Variants in OLFM3 observed in about 807,000 individuals in gnomAD.
OLFM3 encodes noelin-3.
OLFM3 carries 20 observed loss-of-function variants against 48.6 expected under a neutral mutation model. That is an observed-to-expected ratio of 0.41 (90% CI 0.29 to 0.60). The LOEUF is 0.60. OLFM3 is among the 20% of genes least tolerant of loss of function. The pLI is 0.28. For missense variants in OLFM3, 437 were observed against 544.3 expected (o/e 0.80, Z 1.96); for synonymous variants, 222 against 198.1 (o/e 1.12, Z -1.01).
chr1:101,883,936 C>T lies in OLFM3; in HGVS notation c.70-46911G>A, dbSNP rs544854113. On this transcript the variant is annotated intron_variant, in intron 1 of 5. Coordinates refer to ENST00000370103, the MANE Select transcript of OLFM3 (RefSeq NM_058170.4). ...CAAATGGAAATAAAAAACTTACTAT[C>T]TTTTTTTTTTAATCCTGGTCTGTAT... is the stretch of plus-strand genomic sequence containing the variant. 2.0e-5 allele frequency among the ~76,000 whole-genome samples: 3 copies of T among 148,902 alleles called. No homozygotes were observed. In the East Asian group the frequency reaches 5.9e-4, roughly 29 times the overall value.
chr1:101,863,863 A>G (rs1235602770), intron 1 of OLFM3, among the ~76,000 whole-genome samples: 3 of 152,150 alleles, frequency 2.0e-5, no homozygotes, highest in African/African-American at 4.8e-5. Context: ...TTTCCTCATC[A>G]CTGCACATAA....
At chr1:101,855,730 T>C (rs1057257352) in intron 1 of OLFM3, among the ~76,000 whole-genome samples, 1 of 152,096 alleles carries the variant, frequency 6.6e-6, no homozygotes, top group African/African-American at 2.4e-5. Context: ...TTTTCAGACT[T>C]TTCTAATTCA....
At chr1:101,865,692 C>T (rs910109032) in intron 1 of OLFM3, among the ~76,000 whole-genome samples, 1 of 152,200 alleles carries the variant, frequency 6.6e-6, no homozygotes, top group African/African-American at 2.4e-5. Context: ...CAGAAAGTCA[C>T]AGCCTGGACA....
At chr1:101,944,129 C>T (rs372304505) in intron 1 of OLFM3, among the ~76,000 whole-genome samples, 5 of 151,104 alleles carry the variant, frequency 3.3e-5, no homozygotes, top group Non-Finnish European at 2.9e-5. Flanking sequence ...TACTGATGGA[C>T]CAATGATGTT....
chr1:101,933,085 C>T (rs1240631444), intron 1 of OLFM3, among the ~76,000 whole-genome samples: 2 of 151,100 alleles, frequency 1.3e-5, no homozygotes, highest in East Asian at 3.9e-4. Context: ...ACCTGTAGTC[C>T]CAGCTACTTG....
chr1:101,909,757 T>C (rs1658685762), intron 1 of OLFM3, among the ~76,000 whole-genome samples: 2 of 152,218 alleles, frequency 1.3e-5, no homozygotes, highest in Admixed American at 6.5e-5. Context: ...ATTTTGATGC[T>C]GGTAAGTTAT....
chr1:101,896,670 A>AC lies in OLFM3; in HGVS notation c.70-59646_70-59645insG, dbSNP rs1223773864. Among the ~76,000 whole-genome samples, 48 of 105,672 alleles carry AC rather than the reference A, an allele frequency of 4.5e-4. 1 individual carries two copies. The highest frequency in any genetic ancestry group is 1.6e-3 in the African/African-American group (44 of 27,898). The allele number at this position is 105,672 out of a possible 152,430, so 69.3% of individuals were successfully genotyped here. A position where few individuals can be genotyped will look rare whatever the true frequency, so the allele number is the denominator to read the frequency against. On this transcript the variant is annotated intron_variant, in intron 1 of 5. Coordinates refer to ENST00000370103, the MANE Select transcript of OLFM3 (RefSeq NM_058170.4). ...CCACCACGCCCGGCTGATTTTTTGT[A>AC]TTTTTTTTTTTTTTTTTTTTTTTAG...
chr1:101,834,903 C>G (rs1442898414), intron 2 of OLFM3, among the ~76,000 whole-genome samples: 1 of 152,188 alleles, frequency 6.6e-6, no homozygotes, highest in Non-Finnish European at 1.5e-5. Context: ...TCTTTCACTA[C>G]TTCCCAGTTT....
At chr1:101,870,150 A>T (rs1301420890) in intron 1 of OLFM3, among the ~76,000 whole-genome samples, 2 of 152,176 alleles carry the variant, frequency 1.3e-5, no homozygotes, top group African/African-American at 4.8e-5. Context: ...TTGATGGAAA[A>T]TTGTGAAAAT....
intron 1 of OLFM3, among the ~76,000 whole-genome samples, chr1:101,990,781 G>A (rs1417832749): frequency 2.6e-5 from 4 of 151,230 alleles, no homozygotes; most frequent in Admixed American, 6.6e-5. Flanking sequence ...TCAGGAGATC[G>A]AGACCATCCT....
rs773578725 is a variant in OLFM3, at chr1:101,804,382, G to T, written c.1233C>A (p.Asp411Glu). 1 of 1,612,446 alleles carries T rather than the reference G, an allele frequency of 6.2e-7. No individual in the cohort carries two copies. The highest frequency in any genetic ancestry group is 8.5e-7 in the Non-Finnish European group (1 of 1,178,958). Reference sequence around the variant, plus strand: ...GAAAGTATTGGTTATGGAAGGGAATGTCTGTGTACTCATATGTGGAGGTTT... The same window carrying T: ...GAAAGTATTGGTTATGGAAGGGAATTTCTGTGTACTCATATGTGGAGGTTT... ...STKTSTYEYT[D>E]IPFHNQYFHI... Residue 411 changes from aspartate (D) to glutamate (E), a missense_variant, in exon 6 of 6, where the codon GAC becomes GAA. Physicochemically the swap from Asp to Glu is conservative, Grantham distance 45. This residue lies in a region of OLFM3 where 108 missense variants were observed against 135.8 expected (regional missense o/e 0.80). Coordinates refer to ENST00000370103, the MANE Select transcript of OLFM3 (RefSeq NM_058170.4). This position sits in a 1 kb window ranked among gnomAD's most constrained non-coding sequence, Gnocchi z 4.5.
chr1:101,896,909 C>A (rs190070984), intron 1 of OLFM3, among the ~76,000 whole-genome samples: 1 of 152,162 alleles, frequency 6.6e-6, no homozygotes, highest in Admixed American at 6.5e-5. Flanking sequence ...TAATTGCAAA[C>A]AACAAAATTC....
intron 1 of OLFM3, among the ~76,000 whole-genome samples, chr1:101,861,164 C>A (rs778670401): frequency 7.9e-5 from 12 of 151,934 alleles, no homozygotes; most frequent in Non-Finnish European, 1.5e-4. Flanking sequence ...CGGGTTCAAG[C>A]GATTCTCCTG....
At chr1:101,847,118 A>G in intron 1 of OLFM3, 1 of 1,303,730 alleles carries the variant, frequency 7.7e-7, no homozygotes, top group South Asian at 2.3e-5. Context: ...AAAGCTTCGG[A>G]ACCTCCTTCC....
chr1:101,819,005 G>A (rs1654473205), intron 4 of OLFM3, among the ~76,000 whole-genome samples: 1 of 151,992 alleles, frequency 6.6e-6, no homozygotes, highest in South Asian at 2.1e-4. Context: ...TATCTATAAG[G>A]GTGTAAAGAT....
intron 4 of OLFM3, among the ~76,000 whole-genome samples, chr1:101,812,148 A>T (rs1654089987): frequency 6.6e-6 from 1 of 151,914 alleles, no homozygotes; most frequent in Non-Finnish European, 1.5e-5. Flanking sequence ...GAACACTTGG[A>T]CACAGGAAGG....
At chr1:101,894,009 T>G (rs140046233) in intron 1 of OLFM3, 156 of 153,806 alleles carry the variant, frequency 1.0e-3, no homozygotes, top group African/African-American at 3.4e-3. Flanking sequence ...ATGAGGATGA[T>G]AAACATCATT....
chr1:101,823,088 A>G (rs1425553212), intron 4 of OLFM3, among the ~76,000 whole-genome samples: 2 of 152,028 alleles, frequency 1.3e-5, no homozygotes, highest in East Asian at 3.8e-4. Flanking sequence ...GAGTAAATTT[A>G]TTCACCAGAT....
chr1:101,871,828 A>G (rs974518022), intron 1 of OLFM3, among the ~76,000 whole-genome samples: 14 of 152,114 alleles, frequency 9.2e-5, no homozygotes, highest in African/African-American at 3.4e-4. Context: ...TAGAATTTAC[A>G]TTAAAATTAT....
Sources: allele counts gnomAD v4.1 joint callset (sites outside exome capture counted in the v4.1 genomes callset), GRCh38; gene constraint gnomAD v4.1.1; regional missense constraint gnomAD v4.1.1; non-coding constraint Gnocchi (gnomAD v3.1); transcripts MANE v1.5; gene names NCBI Gene and HGNC (gene_info 2026-07-23, HGNC 2026-07-21).